Variants in ZFAT observed in about 807,000 individuals in gnomAD.
ZFAT encodes the protein zinc finger protein ZFAT.
A neutral mutation model predicts 117.7 loss-of-function variants in ZFAT; 64 were observed. The ratio of observed to expected loss-of-function variants is 0.54; its 90% CI spans 0.44 to 0.67. The LOEUF (loss-of-function observed/expected upper bound fraction) is 0.67. Among genes scored for constraint, ZFAT ranks in the 30% least tolerant of loss-of-function variants. ZFAT has a pLI of 0.00. For synonymous variants in ZFAT, 679 were observed against 615.0 expected (o/e 1.10, Z -1.54); for missense variants, 1,433 against 1,584.5 (o/e 0.90, Z 1.62).
intron 1 of ZFAT, among the ~76,000 whole-genome samples, chr8:134,705,412 G>A (rs1480652958): frequency 7.5e-6 from 1 of 134,002 alleles, no homozygotes; most frequent in East Asian, 2.2e-4. Context: ...ATCTCACTAT[G>A]TTGTATGTTG....
At chr8:134,800,436 TTTAATTACA>T in the ZFAT span, 5 of 443,198 alleles carry the variant, frequency 1.1e-5, no homozygotes, top group Admixed American at 5.9e-5. Context: ...CCAACAAACC[TTTAATTACA>T]TTAATTACAT....
chr8:134,536,059 T>C (rs1188267708), intron 11 of ZFAT, among the ~76,000 whole-genome samples: 1 of 152,238 alleles, frequency 6.6e-6, no homozygotes, highest in Admixed American at 6.5e-5. Flanking sequence ...AACAGCTTCC[T>C]GTGAGTTCAG....
chr8:134,488,198 G>T (rs544935278), intron 15 of ZFAT, among the ~76,000 whole-genome samples: 2 of 152,320 alleles, frequency 1.3e-5, no homozygotes, highest in African/African-American at 4.8e-5. Context: ...ACAGGTAAAC[G>T]GCACCCCCAT....
chr8:134,707,592 T>C (rs981160802), intron 1 of ZFAT, among the ~76,000 whole-genome samples: 3 of 152,128 alleles, frequency 2.0e-5, no homozygotes, highest in South Asian at 2.1e-4. Flanking sequence ...TAAAATGCCC[T>C]CCAGCAATGC....
At chr8:134,544,753 A>T (rs1167775909) in intron 11 of ZFAT, among the ~76,000 whole-genome samples, 1 of 151,990 alleles carries the variant, frequency 6.6e-6, no homozygotes, top group Non-Finnish European at 1.5e-5. Context: ...AACAATCATG[A>T]AGATAAAAGT....
At chr8:134,798,928 A>G in the ZFAT span, among the ~76,000 whole-genome samples, 1 of 152,252 alleles carries the variant, frequency 6.6e-6, no homozygotes, top group East Asian at 1.9e-4. Context: ...AAAACACTTC[A>G]TAAAACTACC....
chr8:134,684,580 T>A (rs886936202), intron 1 of ZFAT, among the ~76,000 whole-genome samples: 31 of 152,116 alleles, frequency 2.0e-4, no homozygotes, highest in African/African-American at 7.2e-4. Flanking sequence ...CTCCTTGACG[T>A]TGATTAGATG....
chr8:134,529,541 T>C (rs1052741978), intron 12 of ZFAT, among the ~76,000 whole-genome samples: 3 of 152,130 alleles, frequency 2.0e-5, no homozygotes, highest in African/African-American at 4.8e-5. Flanking sequence ...GCCAGGAGTA[T>C]AATATTTACA....
chr8:134,631,615 C>T (rs1364885930), intron 3 of ZFAT, among the ~76,000 whole-genome samples: 1 of 152,214 alleles, frequency 6.6e-6, no homozygotes, highest in Non-Finnish European at 1.5e-5. Flanking sequence ...GACAAAATCA[C>T]ACAGTTGGAG....
At chr8:134,523,810 T>C (rs546751374) in intron 12 of ZFAT, among the ~76,000 whole-genome samples, 3 of 152,302 alleles carry the variant, frequency 2.0e-5, no homozygotes, top group African/African-American at 7.2e-5. Flanking sequence ...TCCTCATCTT[T>C]AAGCACCACC....
chr8:134,739,332 T>C, the ZFAT span, among the ~76,000 whole-genome samples: 1 of 151,990 alleles, frequency 6.6e-6, no homozygotes. Flanking sequence ...CATGCATGTC[T>C]TTATGCATGC....
the ZFAT span, among the ~76,000 whole-genome samples, chr8:134,820,394 C>T: frequency 6.6e-6 from 1 of 152,236 alleles, no homozygotes; most frequent in Non-Finnish European, 1.5e-5. Flanking sequence ...ACTGTAAGCT[C>T]CTTTAGGACA....
chr8:134,658,717 A>C (rs375843488), intron 1 of ZFAT, among the ~76,000 whole-genome samples: 1 of 152,248 alleles, frequency 6.6e-6, no homozygotes, highest in African/African-American at 2.4e-5. Flanking sequence ...TAAAAGCCAG[A>C]TCTTTGTATT....
chr8:134,790,978 C>T, the ZFAT span, among the ~76,000 whole-genome samples: 3 of 152,086 alleles, frequency 2.0e-5, no homozygotes, highest in East Asian at 1.9e-4. Flanking sequence ...TCATGCCATG[C>T]GATAGAGCAA....
At chr8:134,569,437 C>G (rs1824716801) in intron 10 of ZFAT, among the ~76,000 whole-genome samples, 1 of 151,930 alleles carries the variant, frequency 6.6e-6, no homozygotes, top group Non-Finnish European at 1.5e-5. Context: ...GGAATTTATA[C>G]CAGCAATGGC....
chr8:134,509,240 G>T (rs935564581), intron 15 of ZFAT, among the ~76,000 whole-genome samples: 2 of 152,174 alleles, frequency 1.3e-5, no homozygotes, highest in African/African-American at 4.8e-5. Flanking sequence ...GGCTTCTCCG[G>T]CTACCCCCAT....
At chr8:134,552,288 G>A (rs753117276) in intron 11 of ZFAT, among the ~76,000 whole-genome samples, 16 of 152,132 alleles carry the variant, frequency 1.1e-4, no homozygotes, top group Non-Finnish European at 2.1e-4. Context: ...CATTTCATAT[G>A]CTTTGCATCA....
intron 7 of ZFAT, among the ~76,000 whole-genome samples, chr8:134,590,597 C>T (rs1440027118): frequency 6.6e-6 from 1 of 151,474 alleles, no homozygotes; most frequent in Non-Finnish European, 1.5e-5. Context: ...TCATCACCAC[C>T]ACCAGCACTA....
At chr8:134,650,364 G>A (rs926693963) in intron 2 of ZFAT, among the ~76,000 whole-genome samples, 1 of 152,002 alleles carries the variant, frequency 6.6e-6, no homozygotes, top group Non-Finnish European at 1.5e-5. Flanking sequence ...CTGACCTCAT[G>A]ATCCGCCCAC....
Sources: gnomAD v4.1 joint callset for allele counts (sites outside exome capture counted in the v4.1 genomes callset) on GRCh38, gnomAD v4.1.1 for gene constraint, MANE v1.5 for transcripts, NCBI Gene and HGNC (gene_info 2026-07-23, HGNC 2026-07-21) for gene names.